Variants in LRP3 observed in about 807,000 individuals in gnomAD.
LRP3 encodes the protein low-density lipoprotein receptor-related protein 3.
LRP3 carries 49 observed loss-of-function variants against 58.5 expected under a neutral mutation model. The ratio of observed to expected loss-of-function variants is 0.84; its 90% CI spans 0.67 to 1.06. The LOEUF (loss-of-function observed/expected upper bound fraction) is 1.06. Among genes scored for constraint, LRP3 ranks in the 50% least tolerant of loss-of-function variants. The probability of loss-of-function intolerance (pLI) is 0.00; values close to 1 mark genes in which losing one functional copy is unlikely to be tolerated. For missense variants in LRP3, 1,019 were observed against 1,134.2 expected (o/e 0.90, Z 1.46); for synonymous variants, 485 against 492.2 (o/e 0.99, Z 0.20).
chr19:33,208,859 C>A lies in LRP3; in HGVS notation c.*1284C>A. 1 of 1,594,592 alleles carries A rather than the reference C, an allele frequency of 6.3e-7. No individual in the cohort carries two copies. The highest frequency in any genetic ancestry group is 1.3e-5 in the African/African-American group (1 of 74,282). The stretch of plus-strand genomic sequence containing the variant: ...ACCTCCTCAATAAACAACATGTAAA[C>A]AGAAACAACTGCTTCAGTCTCTACA... On this transcript the variant is annotated 3_prime_UTR_variant, in exon 7 of 7. Transcript: ENST00000253193. This position sits in a 1 kb window ranked among gnomAD's most constrained non-coding sequence, Gnocchi z 4.7.
chr19:33,208,801 G>A lies in LRP3; in HGVS notation c.*1226G>A. 1.3e-6 allele frequency: 2 copies of A among 1,566,088 alleles called. No individual in the cohort carries two copies. Among genetic ancestry groups the A allele is most frequent in the South Asian group, 1.2e-5 (1 of 86,064 alleles). On this transcript the variant is annotated 3_prime_UTR_variant, in exon 7 of 7. Coordinates refer to ENST00000253193, the MANE Select transcript of LRP3 (RefSeq NM_002333.4). The surrounding 1 kb of genome is among the most constrained non-coding windows in gnomAD (Gnocchi z 4.7). The stretch of plus-strand genomic sequence containing the variant: ...TCGTATCTTTTTTCTTTTTTTTCCA[G>A]AAAAAAACAAAACAAAACTTTTTTG...
Position 33,194,683 on chromosome 19 carries a change from G to T in LRP3, c.-103G>T, listed in dbSNP as rs1246895034. ...AGCCGGAGCCCGAGCCCTAGCCCGAGCCCGAGCCCGAGCCGCAGCCAGAGC... is the reference window on the plus strand; with the variant it reads ...AGCCGGAGCCCGAGCCCTAGCCCGATCCCGAGCCCGAGCCGCAGCCAGAGC... On this transcript the variant is annotated 5_prime_UTR_variant, in exon 1 of 7. Coordinates refer to ENST00000253193, the MANE Select transcript of LRP3 (RefSeq NM_002333.4). The T allele has an allele frequency of 2.9e-5, 8 of 278,594 alleles. No homozygotes were observed. The highest frequency in any genetic ancestry group is 4.6e-5 in the African/African-American group (2 of 43,254). The allele number at this position is 278,594 out of a possible 1,614,324, so 17.3% of individuals were successfully genotyped here.
In LRP3 at chr19:33,206,041, A is replaced by T; in HGVS notation, c.1271A>T (p.Glu424Val). 6.3e-7 allele frequency: 1 copy of T among 1,597,564 alleles called. No individual in the cohort carries two copies. The highest frequency in any genetic ancestry group is 1.7e-5 in the Admixed American group (1 of 57,734). Reference protein sequence around the residue: ...PACPPDQYPCEGGSGLCYTPA... With the variant: ...PACPPDQYPCVGGSGLCYTPA... ...TGCCCGCCCGACCAGTACCCCTGCG[A>T]GGGTGGCAGTGGTCTGTGCTACACG... Residue 424 changes from glutamate to valine, a missense_variant, in exon 5 of 7, where the codon GAG becomes GTG. By Grantham distance (121) the Glu-to-Val change is moderately radical. This residue lies in a region of LRP3 where 592 missense variants were observed against 725.5 expected (regional missense o/e 0.82). Coordinates refer to ENST00000253193, the MANE Select transcript of LRP3 (RefSeq NM_002333.4).
chr19:33,208,560 G>T lies in LRP3; in HGVS notation c.*985G>T. On this transcript the variant is annotated 3_prime_UTR_variant, in exon 7 of 7. Transcript: ENST00000253193. This position sits in a 1 kb window ranked among gnomAD's most constrained non-coding sequence, Gnocchi z 4.7. ...CCCCTAATGTCAAGAGCCTCCTCCA[G>T]GGCCTGCCACGGCATCTTCCTGGCC... The T allele has an allele frequency of 2.5e-6, 1 of 401,582 alleles. No homozygotes were observed. Among genetic ancestry groups the T allele is most frequent in the South Asian group, 2.3e-5 (1 of 43,638 alleles). 24.9% of individuals were successfully genotyped at this position (401,582 alleles called of 1,614,324 possible). A position where few individuals can be genotyped will look rare whatever the true frequency, so the allele number is the denominator to read the frequency against.
chr19:33,205,296 G>T lies in LRP3; in HGVS notation c.526G>T (p.Gly176Cys). 6.2e-7 allele frequency: 1 copy of T among 1,611,340 alleles called. No individual in the cohort carries two copies. ...GGCAGATGAGTTCCGCTGTGACAAC[G>T]GCAAGTGCCTGCCCGGCCCGTGGCA... The part of the protein sequence containing the change: ...CQADEFRCDN[G>C]KCLPGPWQCN... Residue 176 changes from glycine to cysteine, a missense_variant, in exon 5 of 7, where the codon GGC becomes TGC. Physicochemically the swap from Gly to Cys is radical, Grantham distance 159 (BLOSUM62 -3). Transcript: ENST00000253193.
rs1174236247 is a variant in LRP3, at chr19:33,208,516, CTG to C, written c.*945_*946del. 1 of 322,216 alleles carries C rather than the reference CTG, an allele frequency of 3.1e-6. No homozygotes were observed. 20.0% of individuals were successfully genotyped at this position (322,216 alleles called of 1,614,324 possible). A position where few individuals can be genotyped will look rare whatever the true frequency, so the allele number is the denominator to read the frequency against. On this transcript the variant is annotated 3_prime_UTR_variant, in exon 7 of 7. Transcript: ENST00000253193. This position sits in a 1 kb window ranked among gnomAD's most constrained non-coding sequence, Gnocchi z 4.7. The stretch of plus-strand genomic sequence containing the variant: ...CTCTGGGTGCCATGGTAGGGAGCGC[CTG>C]TGTCAAGCAGCAAAGCCCCCTAATG...
chr19:33,206,902 T>C lies in LRP3; in HGVS notation c.1726-86T>C, dbSNP rs1974420975. The C allele has an allele frequency of 1.7e-5, 21 of 1,225,872 alleles. No homozygotes were observed. The East Asian group carries it at 2.7e-4, about 16-fold the overall frequency. 75.9% of individuals were successfully genotyped at this position (1,225,872 alleles called of 1,614,324 possible). On this transcript the variant is annotated intron_variant, in intron 6 of 6. Transcript: ENST00000253193. ...GGTGGTCTCTCGGGTCTCAGGTCCC[T>C]TGGGGGTGTGCTGTCTCCTGCCCCT...
Position 33,207,586 on chromosome 19 carries a change from C to T in LRP3, c.*11C>T, listed in dbSNP as rs747173480. 23 of 1,564,224 alleles carry T rather than the reference C, an allele frequency of 1.5e-5. No individual in the cohort carries two copies. Among genetic ancestry groups the T allele is most frequent in the South Asian group, 1.2e-4 (11 of 90,152 alleles). ...CTGTTGGTCTGTTGACCGCTGGGCT[C>T]GCTGGTGACCGCCACAGCCCCGCTT... On this transcript the variant is annotated 3_prime_UTR_variant, in exon 7 of 7. Coordinates refer to ENST00000253193, the MANE Select transcript of LRP3 (RefSeq NM_002333.4).
chr19:33,195,169 A>AG (rs1453036564), intron 1 of LRP3, among the ~76,000 whole-genome samples: 1 of 151,918 alleles, frequency 6.6e-6, no homozygotes, highest in African/African-American at 2.4e-5. Context: ...CCTGGAGACG[A>AG]GGGGGCCCCG....
At chr19:33,195,027 C>T (rs949248420) in intron 1 of LRP3, among the ~76,000 whole-genome samples, 169 bp downstream of exon 1, 1 of 151,846 alleles carries the variant, frequency 6.6e-6, no homozygotes, top group Non-Finnish European at 1.5e-5. Flanking sequence ...GGCCCCGGGC[C>T]TGGGAGGGCG....
intron 4 of LRP3, 126 bp from the exon 5 acceptor site, chr19:33,205,120 G>A (rs1439927024): frequency 8.5e-6 from 9 of 1,064,300 alleles, no homozygotes; most frequent in Middle Eastern, 2.7e-4. Flanking sequence ...GCCCACCCTG[G>A]TGTTGGAGGG....
chr19:33,203,394 A>G (rs118180688), intron 3 of LRP3, among the ~76,000 whole-genome samples: 4,908 of 152,318 alleles, frequency 0.032, 109 homozygotes, highest in South Asian at 0.1. Context: ...CGGAGAAGAC[A>G]TAAAGGACAC....
At chr19:33,199,529 G>A (rs1313090784) in intron 2 of LRP3, among the ~76,000 whole-genome samples, 1 of 150,630 alleles carries the variant, frequency 6.6e-6, no homozygotes. Context: ...CCTGCACAGA[G>A]CCCAGCCTCC....
intron 3 of LRP3, 119 bp from the exon 4 acceptor site, chr19:33,204,519 C>T (rs1478625547): frequency 4.0e-5 from 29 of 723,116 alleles, no homozygotes; most frequent in African/African-American, 5.3e-5. Context: ...TGGGGGCAGC[C>T]GGCCGGGACA....
intron 2 of LRP3, among the ~76,000 whole-genome samples, chr19:33,199,024 G>A (rs1366340963): frequency 2.6e-5 from 4 of 152,144 alleles, no homozygotes; most frequent in African/African-American, 9.7e-5. Flanking sequence ...CTACTTGTGT[G>A]GGCCACCATG....
chr19:33,206,835 G>A (rs1286303479), intron 6 of LRP3, 102 bp downstream of exon 6: 22 of 1,348,894 alleles, frequency 1.6e-5, no homozygotes, highest in Admixed American at 1.3e-4. Flanking sequence ...GGCCTGCGCA[G>A]GGTGACCTGA....
chr19:33,204,774 G>C lies in LRP3; in HGVS notation c.397G>C (p.Asp133His). The C allele has an allele frequency of 6.2e-7, 1 of 1,613,288 alleles. No homozygotes were observed. Among genetic ancestry groups the C allele is most frequent in the African/African-American group, 1.3e-5 (1 of 75,036 alleles). ...AIPPAFISARDHVWIFFHSDA... is the reference protein window; with the variant it reads ...AIPPAFISARHHVWIFFHSDA... ...CCCACCTGCCTTCATCTCTGCCCGC[G>C]ACCATGTCTGGATTTTCTTCCACTC... The change falls in exon 4 of 7, where the codon GAC (aspartate) becomes CAC (histidine). Residue 133 changes from aspartate to histidine, a missense_variant. Coordinates refer to ENST00000253193, the MANE Select transcript of LRP3 (RefSeq NM_002333.4).
rs201566867 is a variant in LRP3 at position 33,206,183 on chromosome 19, G to A, written c.1413G>A (p.Thr471=). 40 of 1,595,470 alleles carry A rather than the reference G, an allele frequency of 2.5e-5. No homozygotes were observed. In the Admixed American group the frequency reaches 2.9e-4, roughly 11 times the overall value. ...GTACCAACCTGTGCATCTTCGAGACGTGGCGCTGTGACGGCCAGGAAGACT... is the reference window on the plus strand; with the variant it reads ...GTACCAACCTGTGCATCTTCGAGACATGGCGCTGTGACGGCCAGGAAGACT... ...HCGTNLCIFE[T]WRCDGQEDCQ... The change falls in exon 5 of 7, where the codon ACG becomes ACA. Residue 471 remains threonine, a synonymous_variant. Transcript: ENST00000253193.
chr19:33,200,825 T>C (rs1974334003), intron 2 of LRP3, among the ~76,000 whole-genome samples: 1 of 152,190 alleles, frequency 6.6e-6, no homozygotes, highest in African/African-American at 2.4e-5. Flanking sequence ...AGGTGCTGGC[T>C]TGCACCTCAC....
Sources: gnomAD v4.1 joint callset for allele counts (sites outside exome capture counted in the v4.1 genomes callset) on GRCh38, gnomAD v4.1.1 for gene constraint, gnomAD v4.1.1 regional missense constraint, Gnocchi (gnomAD v3.1) non-coding constraint, MANE v1.5 for transcripts, NCBI Gene and HGNC (gene_info 2026-07-23, HGNC 2026-07-21) for gene names.